The following NDUFS4 variants were observed in gnomAD, a reference collection of about 807,000 sequenced individuals.
NDUFS4 encodes NADH:ubiquinone oxidoreductase subunit S4, also known as NADH dehydrogenase [ubiquinone] iron-sulfur protein 4, mitochondrial.
NDUFS4 carries 28 observed loss-of-function variants against 24.3 expected under a neutral mutation model. The ratio of observed to expected loss-of-function variants is 1.15; its 90% confidence interval spans 0.85 to 1.58. NDUFS4 has a LOEUF of 1.58. Ranked by LOEUF, NDUFS4 falls within the 40% of genes most tolerant of loss-of-function variation. The pLI is 0.00. For synonymous variants in NDUFS4, 93 were observed against 69.7 expected (o/e 1.34, Z -1.67); for missense variants, 223 against 207.9 (o/e 1.07, Z -0.45).
chr5:53,575,305 T>C (rs1416247975), intron 1 of NDUFS4, among the ~76,000 whole-genome samples: 1 of 152,070 alleles, frequency 6.6e-6, no homozygotes, highest in African/African-American at 2.4e-5. Flanking sequence ...GCTATTTCCT[T>C]TTCAGAGCCT....
intron 4 of NDUFS4, 66 bp from the exon 5 acceptor site, chr5:53,683,052 G>T: frequency 9.7e-7 from 1 of 1,034,100 alleles, no homozygotes; most frequent in Non-Finnish European, 1.5e-6. Context: ...GCCTCTGCTT[G>T]CTGTGCTTTT....
intron 4 of NDUFS4, among the ~76,000 whole-genome samples, chr5:53,669,178 G>T (rs995526912): frequency 6.6e-6 from 1 of 152,078 alleles, no homozygotes; most frequent in Non-Finnish European, 1.5e-5. Flanking sequence ...TACGTATACT[G>T]CCTCAATACT....
In NDUFS4 at chr5:53,659,749, A is replaced by G. The variant is rs892011089; in HGVS notation, c.424+1125A>G. Among the ~76,000 whole-genome samples, 7 of 152,334 alleles carry G rather than the reference A, an allele frequency of 4.6e-5. No homozygotes were observed. In the South Asian group the frequency reaches 8.3e-4, roughly 18 times the overall value. The stretch of plus-strand genomic sequence containing the variant: ...CCTGAAATACAAATGTGAAAGCACT[A>G]TAAAGGTTATAATCTAACATATTTG... On this transcript the variant is annotated intron_variant, in intron 4 of 4. Coordinates refer to ENST00000296684, the MANE Select transcript of NDUFS4 (RefSeq NM_002495.4).
chr5:53,635,856 C>G (rs1033793675), intron 2 of NDUFS4, among the ~76,000 whole-genome samples: 4 of 151,424 alleles, frequency 2.6e-5, no homozygotes, highest in African/African-American at 9.7e-5. Flanking sequence ...AAAATTGTAT[C>G]TTATATCATT....
Position 53,560,755 on chromosome 5 carries a change from G to A in NDUFS4, c.93G>A (p.Pro31=), listed in dbSNP as rs1174015045. The A allele has an allele frequency of 2.5e-6, 4 of 1,614,072 alleles. No individual in the cohort carries two copies. Among genetic ancestry groups the A allele is most frequent in the Admixed American group, 3.3e-5 (2 of 60,016 alleles). The stretch of plus-strand genomic sequence containing the variant: ...CTGCCCTTTCCGTTTCCAGGGTTCC[G>A]ACCAGGTAATAGAATTTTCACACTT... The part of the protein sequence containing the change: ...AVAALSVSRV[P]TRSLRTSTWR... Residue 31 remains proline (P), a synonymous_variant, in exon 1 of 5, where the codon CCG becomes CCA. Transcript: ENST00000296684.
chr5:53,606,916 G>T (rs1008008761), intron 2 of NDUFS4, among the ~76,000 whole-genome samples: 1 of 152,160 alleles, frequency 6.6e-6, no homozygotes, highest in African/African-American at 2.4e-5. Flanking sequence ...ATCATCTCTA[G>T]ATTACTTACA....
chr5:53,666,019 G>A (rs1223747063), intron 4 of NDUFS4, among the ~76,000 whole-genome samples: 3 of 152,158 alleles, frequency 2.0e-5, no homozygotes, highest in Non-Finnish European at 4.4e-5. Context: ...AGGTTCTTAA[G>A]TGCAATTCCT....
At chr5:53,635,828 T>C (rs530724501) in intron 2 of NDUFS4, among the ~76,000 whole-genome samples, 1 of 152,310 alleles carries the variant, frequency 6.6e-6, no homozygotes, top group African/African-American at 2.4e-5. Context: ...TTCTAATAGA[T>C]TTTTCTTATT....
chr5:53,653,706 C>A (rs1752084992), intron 3 of NDUFS4, among the ~76,000 whole-genome samples: 2 of 152,032 alleles, frequency 1.3e-5, no homozygotes, highest in South Asian at 4.1e-4. Flanking sequence ...GGTATATATC[C>A]TTCCAGACTT....
At chr5:53,602,895 C>T (rs569828521) in intron 1 of NDUFS4, among the ~76,000 whole-genome samples, 22 of 152,268 alleles carry the variant, frequency 1.4e-4, no homozygotes, top group African/African-American at 4.8e-4. Flanking sequence ...GCCCATTTTA[C>T]GTCTAACTTA....
chr5:53,677,528 C>T (rs1368676737), intron 4 of NDUFS4, among the ~76,000 whole-genome samples: 2 of 152,124 alleles, frequency 1.3e-5, no homozygotes, highest in Non-Finnish European at 2.9e-5. Context: ...ACCCCACCCC[C>T]ATATTATGTA....
At chr5:53,568,006 T>G (rs1253915101) in intron 1 of NDUFS4, among the ~76,000 whole-genome samples, 1 of 152,168 alleles carries the variant, frequency 6.6e-6, no homozygotes, top group African/African-American at 2.4e-5. Context: ...AACTTTCATC[T>G]AAACATATGA....
At chr5:53,593,432 CTGTT>C (rs1224183453) in intron 1 of NDUFS4, among the ~76,000 whole-genome samples, 2 of 151,230 alleles carry the variant, frequency 1.3e-5, no homozygotes, top group East Asian at 1.9e-4. Context: ...TCTCATCTGT[CTGTT>C]TCTCTTTTTT....
chr5:53,617,537 C>T (rs1037364847), intron 2 of NDUFS4, among the ~76,000 whole-genome samples: 8 of 152,130 alleles, frequency 5.3e-5, no homozygotes, highest in South Asian at 4.1e-4. Context: ...TCTCTTCTAC[C>T]GCCCGTTTTC....
chr5:53,652,034 A>G (rs899027521), intron 3 of NDUFS4, among the ~76,000 whole-genome samples: 1 of 152,038 alleles, frequency 6.6e-6, no homozygotes, highest in Non-Finnish European at 1.5e-5. Flanking sequence ...AGGCCTCCCA[A>G]AGTGCTGGGA....
intron 1 of NDUFS4, among the ~76,000 whole-genome samples, chr5:53,575,581 G>A (rs532503340): frequency 7.9e-5 from 9 of 113,716 alleles, no homozygotes; most frequent in East Asian, 6.0e-4. Context: ...TTGCTCTGTC[G>A]CCTAGGCTGG....
chr5:53,603,694 T>G (rs1320309568), intron 2 of NDUFS4, among the ~76,000 whole-genome samples, 164 bp downstream of exon 2: 2 of 152,138 alleles, frequency 1.3e-5, no homozygotes, highest in Non-Finnish European at 2.9e-5. Context: ...AAAAGATAAT[T>G]TATATTAAGC....
chr5:53,678,023 AAATG>A (rs548953272), intron 4 of NDUFS4, among the ~76,000 whole-genome samples: 33 of 152,336 alleles, frequency 2.2e-4, no homozygotes, highest in Admixed American at 3.9e-4. Context: ...TTCTGTATAA[AAATG>A]AATGAAGTTG....
At chr5:53,627,579 C>T (rs1218177249) in intron 2 of NDUFS4, among the ~76,000 whole-genome samples, 1 of 152,092 alleles carries the variant, frequency 6.6e-6, no homozygotes, top group African/African-American at 2.4e-5. Context: ...TGTAGTTCTC[C>T]TTGAAGAGGT....
Sources: allele counts gnomAD v4.1 joint callset (sites outside exome capture counted in the v4.1 genomes callset), GRCh38; gene constraint gnomAD v4.1.1; transcripts MANE v1.5; gene names NCBI Gene and HGNC (gene_info 2026-07-23, HGNC 2026-07-21).